The following IL1RAPL1 variants were observed in gnomAD, a reference collection of about 807,000 sequenced individuals.
The protein encoded by IL1RAPL1 is interleukin 1 receptor accessory protein like 1, also known as interleukin-1 receptor accessory protein-like 1.
A neutral mutation model predicts 48.4 loss-of-function variants in IL1RAPL1; 3 were observed. That is an observed-to-expected ratio of 0.06 (90% CI 0.03 to 0.16). The LOEUF (loss-of-function observed/expected upper bound fraction) is 0.16. IL1RAPL1 is among the 10% of genes least tolerant of loss of function. The pLI is 1.00. For missense variants in IL1RAPL1, 349 were observed against 530.6 expected, an observed-to-expected ratio of 0.66 and a Z score of 3.36; for synonymous variants, 185 against 187.7, an observed-to-expected ratio of 0.99 and a Z score of 0.12.
At chrX:29,394,563 G>A (rs780255579) in intron 3 of IL1RAPL1, among the ~76,000 whole-genome samples, 1 of 112,131 alleles carries the variant, frequency 8.9e-6, no homozygotes, top group African/African-American at 3.2e-5. Flanking sequence ...GATAGTTCAG[G>A]TATCATCATT....
chrX:29,027,672 C>T (rs1255738396), intron 2 of IL1RAPL1, among the ~76,000 whole-genome samples: 1 of 111,539 alleles, frequency 9.0e-6, no homozygotes, highest in African/African-American at 3.3e-5. Flanking sequence ...ATTAGAGTTC[C>T]TGTTGCTTTA....
intron 2 of IL1RAPL1, among the ~76,000 whole-genome samples, chrX:29,015,967 T>G (rs1469846037): frequency 8.9e-6 from 1 of 112,100 alleles, no homozygotes; most frequent in Non-Finnish European, 1.9e-5. Context: ...GTTCTTCATT[T>G]CTCAAGCATT....
intron 5 of IL1RAPL1, among the ~76,000 whole-genome samples, chrX:29,614,769 G>A (rs1055250502): frequency 1.8e-5 from 2 of 111,662 alleles, no homozygotes; most frequent in Admixed American, 1.9e-4. Context: ...TCTAAGGAAG[G>A]AAAAAACAAA....
chrX:28,615,199 G>GTTTTTTTTT lies in IL1RAPL1; in HGVS notation c.-25+27179_-25+27187dup, dbSNP rs778402885. Among the ~76,000 whole-genome samples the GTTTTTTTTT allele has an allele frequency of 1.5e-3, 39 of 26,040 alleles. 4 individuals are homozygous for GTTTTTTTTT. The highest frequency in any genetic ancestry group is 9.9e-3 in the South Asian group (3 of 304). 22.6% of individuals were successfully genotyped at this position (26,040 alleles called of 115,157 possible). On this transcript the variant is annotated intron_variant, in intron 1 of 10. Transcript: ENST00000378993. ...CACTGCGCCTGGCCAACTGTTGTCT[G>GTTTTTTTTT]TTTTTTTTTTTTTTTTTTTTTTTTT...
chrX:29,158,140 G>A (rs778952053), intron 2 of IL1RAPL1, among the ~76,000 whole-genome samples: 1 of 111,146 alleles, frequency 9.0e-6, no homozygotes, highest in East Asian at 2.8e-4. Context: ...ACTTTAAAGA[G>A]CATTACTTCC....
At chrX:28,991,448 A>T (rs1048272490) in intron 2 of IL1RAPL1, among the ~76,000 whole-genome samples, 1 of 111,487 alleles carries the variant, frequency 9.0e-6, no homozygotes, top group Non-Finnish European at 1.9e-5. Context: ...TTTTATAAAA[A>T]CTCAACCTTC....
chrX:29,185,433 G>C (rs1449016220), intron 2 of IL1RAPL1, among the ~76,000 whole-genome samples: 2 of 111,884 alleles, frequency 1.8e-5, no homozygotes, highest in Non-Finnish European at 3.8e-5. Flanking sequence ...ACTCTAAAAT[G>C]AGAATAATAA....
intron 2 of IL1RAPL1, among the ~76,000 whole-genome samples, chrX:29,169,158 A>G (rs1929862784): frequency 9.2e-6 from 1 of 108,916 alleles, no homozygotes; most frequent in African/African-American, 3.3e-5. Context: ...TACTGATTTC[A>G]TTTCCTTTGG....
rs975006652 is a variant in IL1RAPL1, at chrX:29,071,105, T to C, written c.83-211833T>C. ...TGAAAAAGAAATAATTATTTTCAGA[T>C]CTTGAGAAATTCTACAAGGTAATCC... On this transcript the variant is annotated intron_variant, in intron 2 of 10. Coordinates refer to ENST00000378993, the MANE Select transcript of IL1RAPL1 (RefSeq NM_014271.4). 2.7e-5 allele frequency among the ~76,000 whole-genome samples: 3 copies of C among 112,198 alleles called. No individual in the cohort carries two copies. The Admixed American group carries it at 2.8e-4, about 11-fold the overall frequency.
At chrX:29,685,361 C>T (rs962895949) in intron 6 of IL1RAPL1, among the ~76,000 whole-genome samples, 8 of 110,023 alleles carry the variant, frequency 7.3e-5, no homozygotes, top group African/African-American at 2.3e-4. Flanking sequence ...AAATTAGGCA[C>T]GCATGGTGGT....
At chrX:29,692,841 G>A (rs924852228) in intron 6 of IL1RAPL1, among the ~76,000 whole-genome samples, 8 of 111,658 alleles carry the variant, frequency 7.2e-5, no homozygotes, top group African/African-American at 2.6e-4. Flanking sequence ...GTAATTCTTA[G>A]CAGAATGTTG....
intron 6 of IL1RAPL1, among the ~76,000 whole-genome samples, chrX:29,874,382 A>G (rs774645446): frequency 6.3e-4 from 71 of 112,415 alleles, no homozygotes; most frequent in Middle Eastern, 9.2e-3. Flanking sequence ...TATATTTTAA[A>G]CATGTATATA....
intron 2 of IL1RAPL1, among the ~76,000 whole-genome samples, chrX:28,976,389 C>T (rs1324934488): frequency 2.7e-5 from 3 of 111,218 alleles, no homozygotes; most frequent in Non-Finnish European, 3.8e-5. Context: ...AGAGAATTTC[C>T]TAAGAGAGCA....
intron 2 of IL1RAPL1, among the ~76,000 whole-genome samples, chrX:29,034,411 T>C (rs1016384190): frequency 2.7e-5 from 3 of 111,977 alleles, no homozygotes; most frequent in African/African-American, 9.7e-5. Flanking sequence ...CAATATTAAC[T>C]AATATTTGTA....
rs938700276 is a variant in IL1RAPL1 at position 28,647,568 on chromosome X, G to A, written c.-25+59521G>A. On this transcript the variant is annotated intron_variant, in intron 1 of 10. Transcript: ENST00000378993. ...TCTCAAAATGGGAAAATTAGAATAG[G>A]TTATTTATTATATTTTACAGCTTGG... Among the ~76,000 whole-genome samples the A allele has an allele frequency of 2.0e-4, 23 of 112,482 alleles. 1 individual carries two copies. Among genetic ancestry groups the A allele is most frequent in the African/African-American group, 7.4e-4 (23 of 30,997 alleles).
chrX:29,909,595 T>C lies in IL1RAPL1; in HGVS notation c.779-7869T>C, dbSNP rs1465482665. Among the ~76,000 whole-genome samples the C allele has an allele frequency of 3.6e-5, 4 of 110,848 alleles. No homozygotes were observed. The South Asian group carries it at 1.1e-3, about 32-fold the overall frequency. On this transcript the variant is annotated intron_variant, in intron 6 of 10. Coordinates refer to ENST00000378993, the MANE Select transcript of IL1RAPL1 (RefSeq NM_014271.4). ...AATACAGCTAGCCAGGAGGGTGAAA[T>C]ATCTCTACAATAAAAATTACAAAAC...
chrX:29,205,602 A>G (rs1569259441), intron 2 of IL1RAPL1, among the ~76,000 whole-genome samples: 1 of 111,933 alleles, frequency 8.9e-6, no homozygotes. Context: ...CATCTGCAAA[A>G]TGGGCATTAT....
At chrX:28,608,145 T>C (rs1198510410) in intron 1 of IL1RAPL1, among the ~76,000 whole-genome samples, 1 of 111,836 alleles carries the variant, frequency 8.9e-6, no homozygotes, top group Non-Finnish European at 1.9e-5. Flanking sequence ...TACATTGCTT[T>C]GACTACAGAT....
At chrX:29,431,550 A>G (rs1934422982) in intron 5 of IL1RAPL1, among the ~76,000 whole-genome samples, 1 of 112,106 alleles carries the variant, frequency 8.9e-6, no homozygotes, top group Admixed American at 9.5e-5. Context: ...TCAAGAAAAT[A>G]TATTATTCCT....
Sources: gnomAD v4.1 joint callset for allele counts (sites outside exome capture counted in the v4.1 genomes callset) on GRCh38, gnomAD v4.1.1 for gene constraint, MANE v1.5 for transcripts, NCBI Gene and HGNC (gene_info 2026-07-23, HGNC 2026-07-21) for gene names.